UQCC6: variants seen among roughly 807,000 people sequenced by gnomAD.
UQCC6 encodes ubiquinol-cytochrome c reductase complex assembly factor 6, also known as protein BRAWNIN.
At chr12:103,954,581 A>G in the UQCC6 span, 4 of 236,808 alleles carry the variant, frequency 1.7e-5, no homozygotes, top group East Asian at 4.0e-4. Context: ...ATTCGTCCCC[A>G]TGACCCAAAC....
At chr12:103,959,654 G>A in the UQCC6 span, among the ~76,000 whole-genome samples, 1 of 151,988 alleles carries the variant, frequency 6.6e-6, no homozygotes, top group African/African-American at 2.4e-5. Context: ...GGAGGTTGCA[G>A]TGAGCTGAGA....
At chr12:103,965,052 G>A in the UQCC6 span, among the ~76,000 whole-genome samples, 1 of 152,144 alleles carries the variant, frequency 6.6e-6, no homozygotes, top group Admixed American at 6.5e-5. Flanking sequence ...GTTACTATAT[G>A]AATAAACTCA....
chr12:103,950,650 T>C, the UQCC6 span: 1 of 152,198 alleles, frequency 6.6e-6, no homozygotes, highest in Admixed American at 6.5e-5. Flanking sequence ...AATGTATATT[T>C]TTCACAATGG....
chr12:103,952,254 C>T, the UQCC6 span, among the ~76,000 whole-genome samples: 2 of 152,112 alleles, frequency 1.3e-5, no homozygotes, highest in African/African-American at 4.8e-5. Flanking sequence ...TATAGATTTG[C>T]CTATTCTGGA....
the UQCC6 span, among the ~76,000 whole-genome samples, chr12:103,954,034 G>A: frequency 6.6e-6 from 1 of 151,680 alleles, no homozygotes; most frequent in Non-Finnish European, 1.5e-5. Flanking sequence ...GTAAGAAAGA[G>A]CTCTTGCAGC....
chr12:103,956,576 A>C, the UQCC6 span: 1 of 1,199,356 alleles, frequency 8.3e-7, no homozygotes, highest in Non-Finnish European at 1.2e-6. Flanking sequence ...GGTAATTTAC[A>C]AAGAAATGAG....
At chr12:103,961,830 GA>G in the UQCC6 span, among the ~76,000 whole-genome samples, 1 of 152,136 alleles carries the variant, frequency 6.6e-6, no homozygotes, top group African/African-American at 2.4e-5. Context: ...AAAGTGCTGG[GA>G]TTACAGGCGT....
At chr12:103,963,296 G>T in the UQCC6 span, among the ~76,000 whole-genome samples, 1 of 152,064 alleles carries the variant, frequency 6.6e-6, no homozygotes, top group Non-Finnish European at 1.5e-5. Context: ...GGCCGTTCTC[G>T]AACTTCTGGC....
At chr12:103,956,303 A>G in the UQCC6 span, 1 of 219,074 alleles carries the variant, frequency 4.6e-6, no homozygotes, top group Non-Finnish European at 9.2e-6. Flanking sequence ...GATGAGTTGG[A>G]GAAACAGCAA....
chr12:103,951,426 T>TA, the UQCC6 span: 3 of 609,302 alleles, frequency 4.9e-6, no homozygotes, highest in Non-Finnish European at 8.5e-6. Flanking sequence ...CTCTTGCAGT[T>TA]AGCATTAGAC....
the UQCC6 span, chr12:103,954,797 C>G: frequency 8.3e-6 from 5 of 602,962 alleles, no homozygotes; most frequent in Non-Finnish European, 1.5e-5. Flanking sequence ...ACTTTTTACT[C>G]TACATACTTG....
the UQCC6 span, chr12:103,951,612 G>A: frequency 1.3e-6 from 2 of 1,538,234 alleles, no homozygotes; most frequent in Non-Finnish European, 1.8e-6. Flanking sequence ...CCACGCTTTG[G>A]TGGAATTTCA....
chr12:103,964,466 G>C, the UQCC6 span, among the ~76,000 whole-genome samples: 1 of 152,132 alleles, frequency 6.6e-6, no homozygotes, highest in African/African-American at 2.4e-5. Context: ...AGAGGACCCT[G>C]GTCTCTTGAG....
At chr12:103,956,711 A>T in the UQCC6 span, 1 of 1,551,666 alleles carries the variant, frequency 6.4e-7, no homozygotes, top group African/African-American at 1.4e-5. Context: ...ATTTTCAGGT[A>T]GGTGGACATG....
At chr12:103,955,916 T>C in the UQCC6 span, 1 of 419,938 alleles carries the variant, frequency 2.4e-6, no homozygotes, top group East Asian at 7.0e-5. Flanking sequence ...CTCCTTCCTT[T>C]GAATGCCTAT....
the UQCC6 span, chr12:103,951,638 AAAAAC>A: frequency 8.1e-5 from 121 of 1,489,570 alleles, no homozygotes; most frequent in Non-Finnish European, 1.1e-4. Flanking sequence ...TGTCTGCAAA[AAAAAC>A]AAAACAAAAA....
At chr12:103,952,788 T>A in the UQCC6 span, among the ~76,000 whole-genome samples, 1 of 152,224 alleles carries the variant, frequency 6.6e-6, no homozygotes, top group Non-Finnish European at 1.5e-5. Flanking sequence ...TCTTTCTGTG[T>A]GCTTACTGGT....
chr12:103,959,010 A>G, the UQCC6 span, among the ~76,000 whole-genome samples: 1 of 152,230 alleles, frequency 6.6e-6, no homozygotes, highest in African/African-American at 2.4e-5. Context: ...AAAGTGTTAA[A>G]TGCACCTTCC....
At chr12:103,956,351 T>C in the UQCC6 span, 1 of 304,844 alleles carries the variant, frequency 3.3e-6, no homozygotes. Context: ...AAAGAACTGG[T>C]AAAATGGTGG....
Sources: gnomAD v4.1 joint callset for allele counts (sites outside exome capture counted in the v4.1 genomes callset) on GRCh38, gnomAD v4.1.1 for gene constraint, MANE v1.5 for transcripts, NCBI Gene and HGNC (gene_info 2026-07-23, HGNC 2026-07-21) for gene names.